VRK1: variants seen among roughly 807,000 people sequenced by gnomAD.
VRK1 encodes the protein VRK serine/threonine kinase 1.
Under a neutral mutation model 57.1 loss-of-function variants are expected in VRK1, and 33 were observed. The ratio of observed to expected loss-of-function variants is 0.58; its 90% confidence interval spans 0.44 to 0.77. The LOEUF (loss-of-function observed/expected upper bound fraction) is 0.77, where lower values mean the gene tolerates loss of function less well. Ranked by LOEUF, VRK1 falls within the 30% of genes least tolerant of loss-of-function variation. VRK1 has a pLI of 0.00. For synonymous variants in VRK1, 137 were observed against 147.8 expected (o/e 0.93, Z 0.53); for missense variants, 413 against 477.3 (o/e 0.87, Z 1.25).
At chr14:96,841,627 G>T (rs532512851) in intron 3 of VRK1, among the ~76,000 whole-genome samples, 7 of 152,224 alleles carry the variant, frequency 4.6e-5, no homozygotes, top group African/African-American at 1.7e-4. Flanking sequence ...AGAGGCTGAG[G>T]TGGGTGGATC....
intron 2 of VRK1, among the ~76,000 whole-genome samples, chr14:96,836,131 T>A (rs986013870): frequency 2.0e-5 from 3 of 152,182 alleles, no homozygotes; most frequent in Non-Finnish European, 4.4e-5. Flanking sequence ...TTAAAAATTT[T>A]TTTAATATAT....
rs564362098 is a variant in VRK1 at position 96,797,937 on chromosome 14, G to C, written c.-6+490G>C. On this transcript the variant is annotated intron_variant, in intron 1 of 12. Transcript: ENST00000216639. The stretch of plus-strand genomic sequence containing the variant: ...TCTTAGAAACGGGACAGGCAGTTGC[G>C]GGCTAGAGGAATGGGGGCGAGGCTC... 3.4e-3 allele frequency among the ~76,000 whole-genome samples: 514 copies of C among 152,326 alleles called. 3 individuals carry two copies. The highest frequency in any genetic ancestry group is 0.012 in the African/African-American group (491 of 41,582).
At chr14:96,868,779 G>A (rs67957817) in intron 11 of VRK1, among the ~76,000 whole-genome samples, 22,517 of 150,150 alleles carry the variant, frequency 0.15, 3,309 homozygotes, top group East Asian at 0.84. Context: ...CCAGTTCTTC[G>A]GAAATGTTAA....
Position 96,881,343 on chromosome 14 carries a change from A to G in VRK1, c.*135A>G. ...GATTAAATACTCATGTGTTCAGAAA[A>G]CATAAACTTTTTTTATAAAAATATT... is the stretch of plus-strand genomic sequence containing the variant. On this transcript the variant is annotated 3_prime_UTR_variant, in exon 13 of 13. Coordinates refer to ENST00000216639, the MANE Select transcript of VRK1 (RefSeq NM_003384.3). The G allele has an allele frequency of 1.3e-6, 1 of 750,374 alleles. No individual in the cohort carries two copies. The highest frequency in any genetic ancestry group is 2.1e-6 in the Non-Finnish European group (1 of 471,306). 46.5% of individuals were successfully genotyped at this position (750,374 alleles called of 1,614,324 possible).
chr14:96,798,677 C>G (rs1435818855), intron 1 of VRK1, among the ~76,000 whole-genome samples: 2 of 151,926 alleles, frequency 1.3e-5, no homozygotes, highest in Non-Finnish European at 2.9e-5. Flanking sequence ...AATAAAGGCA[C>G]CTTTCTTTAT....
At chr14:96,871,627 CT>C (rs1241143090) in intron 11 of VRK1, among the ~76,000 whole-genome samples, 1 of 152,140 alleles carries the variant, frequency 6.6e-6, no homozygotes, top group Admixed American at 6.6e-5. Flanking sequence ...TATTTTTCAG[CT>C]TGAAAATGAC....
At chr14:96,866,371 G>A (rs1445086098) in intron 11 of VRK1, among the ~76,000 whole-genome samples, 2 of 152,122 alleles carry the variant, frequency 1.3e-5, no homozygotes, top group Non-Finnish European at 1.5e-5. Context: ...CCCAGAAGAA[G>A]CAAAAATGTG....
intron 5 of VRK1, among the ~76,000 whole-genome samples, chr14:96,847,702 G>T (rs897002330): frequency 6.6e-6 from 1 of 152,166 alleles, no homozygotes; most frequent in African/African-American, 2.4e-5. Context: ...TCATGCAAAA[G>T]GGAACCCCTT....
chr14:96,833,335 A>T (rs775254555), intron 1 of VRK1, 132 bp from the exon 2 acceptor site: 47 of 943,894 alleles, frequency 5.0e-5, no homozygotes, highest in Admixed American at 2.0e-4. Context: ...GTCAGAATTA[A>T]CAGGTATCCT....
chr14:96,823,441 G>A (rs1168676727), intron 1 of VRK1, among the ~76,000 whole-genome samples: 5 of 152,160 alleles, frequency 3.3e-5, no homozygotes, highest in Non-Finnish European at 7.3e-5. Context: ...GTAGATTTAT[G>A]TAATTAGCAT....
chr14:96,874,577 C>G (rs1888953784), intron 11 of VRK1, among the ~76,000 whole-genome samples: 1 of 152,172 alleles, frequency 6.6e-6, no homozygotes, highest in Non-Finnish European at 1.5e-5. Context: ...CCCCCATATA[C>G]AAATCTGCTA....
chr14:96,862,485 CTG>C (rs1888428001), intron 11 of VRK1, among the ~76,000 whole-genome samples: 1 of 145,496 alleles, frequency 6.9e-6, no homozygotes, highest in South Asian at 2.3e-4. Context: ...AGCCATGTAA[CTG>C]AAGTGAGTTA....
chr14:96,805,628 A>G (rs550394375), intron 1 of VRK1, among the ~76,000 whole-genome samples: 18 of 152,242 alleles, frequency 1.2e-4, no homozygotes, highest in Non-Finnish European at 1.6e-4. Flanking sequence ...ATAATCAGTC[A>G]ACAAATAGAA....
At chr14:96,800,136 A>G (rs1885600854) in intron 1 of VRK1, among the ~76,000 whole-genome samples, 1 of 151,980 alleles carries the variant, frequency 6.6e-6, no homozygotes, top group South Asian at 2.1e-4. Context: ...ACCAAGATGT[A>G]TTTTTACTCT....
At chr14:96,869,928 C>G (rs1259385993) in intron 11 of VRK1, among the ~76,000 whole-genome samples, 1 of 152,138 alleles carries the variant, frequency 6.6e-6, no homozygotes, top group Non-Finnish European at 1.5e-5. Flanking sequence ...GATTAGTTAA[C>G]TCCCCACCAG....
rs1276959024 is a variant in VRK1 at position 96,852,917 on chromosome 14, T to C, written c.461T>C (p.Val154Ala). 1.2e-6 allele frequency: 2 copies of C among 1,613,740 alleles called. No homozygotes were observed. Among genetic ancestry groups the C allele is most frequent in the Non-Finnish European group, 1.7e-6 (2 of 1,179,830 alleles). The change falls in exon 6 of 13, where the codon GTC (valine) becomes GCC (alanine). Residue 154 changes from valine to alanine, a missense_variant. This residue lies in a region of VRK1 where 151 missense variants were observed against 225.5 expected (regional missense o/e 0.67). Transcript: ENST00000216639. ...GCCAAAAGGTTTTCTCGGAAAACTG[T>C]CTTGCAGCTAAGCTTAAGAATTGTA... is the stretch of plus-strand genomic sequence containing the variant. ...ANAKRFSRKT[V>A]LQLSLRILDI...
chr14:96,813,537 A>G (rs777925955), intron 1 of VRK1, among the ~76,000 whole-genome samples: 4 of 152,176 alleles, frequency 2.6e-5, no homozygotes, highest in Admixed American at 6.5e-5. Context: ...TATTAAAAAA[A>G]CAAAACTTTT....
intron 1 of VRK1, among the ~76,000 whole-genome samples, chr14:96,804,321 G>A (rs1381299546): frequency 6.6e-6 from 1 of 152,086 alleles, no homozygotes; most frequent in Non-Finnish European, 1.5e-5. Context: ...AAATCAGTTG[G>A]CCATATACTG....
At chr14:96,874,551 T>G (rs1268461126) in intron 11 of VRK1, among the ~76,000 whole-genome samples, 1 of 152,216 alleles carries the variant, frequency 6.6e-6, no homozygotes, top group Non-Finnish European at 1.5e-5. Flanking sequence ...CTTACAGCTA[T>G]TTTTGAGAGG....
Sources: gnomAD v4.1 joint callset for allele counts (sites outside exome capture counted in the v4.1 genomes callset) on GRCh38, gnomAD v4.1.1 for gene constraint, gnomAD v4.1.1 regional missense constraint, MANE v1.5 for transcripts, NCBI Gene and HGNC (gene_info 2026-07-23, HGNC 2026-07-21) for gene names.